The following GRK5 variants were observed in gnomAD, a reference collection of about 807,000 sequenced individuals.
The protein encoded by GRK5 is g protein-coupled receptor kinase GRK5.
GRK5 carries 40 observed loss-of-function variants against 78.4 expected under a neutral mutation model. The observed-to-expected ratio is 0.51, with a 90% CI of 0.40 to 0.66. The LOEUF (loss-of-function observed/expected upper bound fraction) is 0.66. Among genes scored for constraint, GRK5 ranks in the 30% least tolerant of loss-of-function variants. GRK5 has a pLI of 0.00. For missense variants in GRK5, 598 were observed against 759.9 expected, an observed-to-expected ratio of 0.79 and a Z score of 2.50; for synonymous variants, 289 against 296.8, an observed-to-expected ratio of 0.97 and a Z score of 0.27.
chr10:119,368,274 T>G (rs962857604), intron 2 of GRK5, among the ~76,000 whole-genome samples: 8 of 152,236 alleles, frequency 5.3e-5, no homozygotes, highest in Non-Finnish European at 1.0e-4. Context: ...AAGCCAGGGC[T>G]CCTTGGCGCC....
At chr10:119,433,598 C>T (rs1399031814) in intron 8 of GRK5, among the ~76,000 whole-genome samples, 4 of 152,350 alleles carry the variant, frequency 2.6e-5, no homozygotes, top group East Asian at 1.9e-4. Context: ...TGAGCTTGCT[C>T]ATCCTTGGCT....
At chr10:119,382,650 A>G (rs1357330157) in intron 3 of GRK5, among the ~76,000 whole-genome samples, 3 of 152,240 alleles carry the variant, frequency 2.0e-5, no homozygotes, top group African/African-American at 4.8e-5. Flanking sequence ...TTTAAAAAAT[A>G]GTACTATCAC....
intron 1 of GRK5, among the ~76,000 whole-genome samples, chr10:119,268,537 T>A (rs1404481831): frequency 6.6e-6 from 1 of 152,252 alleles, no homozygotes; most frequent in Non-Finnish European, 1.5e-5. Context: ...ATTTGAACCT[T>A]ACCTCCTTTG....
chr10:119,207,864 C>T lies in GRK5; in HGVS notation c.-54C>T, dbSNP rs2230347. Reference sequence around the variant, plus strand: ...AGCAGCGGCAGCAGCAGCGGCAGCACCCCAGGCGCTGACAGCCCCGCCGGC... The same window carrying T: ...AGCAGCGGCAGCAGCAGCGGCAGCATCCCAGGCGCTGACAGCCCCGCCGGC... On this transcript the variant is annotated 5_prime_UTR_variant, in exon 1 of 16. Transcript: ENST00000392870. 164,915 of 1,533,930 alleles carry T rather than the reference C, an allele frequency of 0.11. 9,275 individuals carry two copies. Among genetic ancestry groups the T allele is most frequent in the African/African-American group, 0.17 (11,935 of 70,736 alleles).
Position 119,412,867 on chromosome 10 carries a change from C to A in GRK5, c.340-10299C>A, listed in dbSNP as rs1852372342. Among the ~76,000 whole-genome samples the A allele has an allele frequency of 6.6e-6, 1 of 152,194 alleles. No individual in the cohort carries two copies. The highest frequency in any genetic ancestry group is 2.4e-5 in the African/African-American group (1 of 41,444). On this transcript the variant is annotated intron_variant, in intron 4 of 15. Coordinates refer to ENST00000392870, the MANE Select transcript of GRK5 (RefSeq NM_005308.3). This position sits in a 1 kb window ranked among gnomAD's most constrained non-coding sequence, Gnocchi z 4.3. ...CCCACCACCCTCTGCTTTCCCCACCCCAGACCCCGTCGCTGCAGCTGGGTG... is the reference window on the plus strand; with the variant it reads ...CCCACCACCCTCTGCTTTCCCCACCACAGACCCCGTCGCTGCAGCTGGGTG...
chr10:119,257,841 C>G (rs1195787945), intron 1 of GRK5, among the ~76,000 whole-genome samples: 4 of 152,180 alleles, frequency 2.6e-5, no homozygotes, highest in Non-Finnish European at 4.4e-5. Flanking sequence ...TATGGCTATG[C>G]CCTGGCTGTG....
At chr10:119,434,968 C>T (rs1852890827) in intron 8 of GRK5, among the ~76,000 whole-genome samples, 1 of 152,254 alleles carries the variant, frequency 6.6e-6, no homozygotes, top group African/African-American at 2.4e-5. Flanking sequence ...GACTTCTGTG[C>T]ACTCGCAGGC....
chr10:119,425,724 T>C (rs929219268), intron 6 of GRK5, among the ~76,000 whole-genome samples: 1 of 152,272 alleles, frequency 6.6e-6, no homozygotes, highest in African/African-American at 2.4e-5. Flanking sequence ...TCCTTGTTGC[T>C]TATTTTCTTG....
Position 119,307,120 on chromosome 10 carries a change from T to C in GRK5, c.53-19396T>C, listed in dbSNP as rs910576845. Among the ~76,000 whole-genome samples the C allele has an allele frequency of 3.9e-5, 6 of 152,092 alleles. 1 individual carries two copies. Among genetic ancestry groups the C allele is most frequent in the African/African-American group, 1.5e-4 (6 of 41,356 alleles). ...TCTTAACTATGCTAAATGCTTTACG[T>C]GCATCAGCTCATTGATGCCTATATC... On this transcript the variant is annotated intron_variant, in intron 1 of 15. Transcript: ENST00000392870.
intron 2 of GRK5, among the ~76,000 whole-genome samples, chr10:119,331,334 C>T (rs569752294): frequency 6.6e-5 from 10 of 152,224 alleles, no homozygotes; most frequent in Non-Finnish European, 1.5e-4. Context: ...GGAAGGCTGA[C>T]GTGAGCCGTG....
intron 2 of GRK5, among the ~76,000 whole-genome samples, chr10:119,373,119 G>C (rs1268947): frequency 0.17 from 26,304 of 152,262 alleles, 2,719 homozygotes; most frequent in East Asian, 0.42. Context: ...GACTCACGTG[G>C]AAAGTTGGGA....
chr10:119,285,408 G>A (rs1004402020), intron 1 of GRK5, among the ~76,000 whole-genome samples: 1 of 152,258 alleles, frequency 6.6e-6, no homozygotes, highest in Non-Finnish European at 1.5e-5. Flanking sequence ...TGGGGGCAGA[G>A]ATTGGAGGAA....
intron 2 of GRK5, among the ~76,000 whole-genome samples, chr10:119,362,920 C>A: frequency 6.6e-6 from 1 of 152,262 alleles, no homozygotes. Context: ...CCTATGCTCA[C>A]ACTCTTTCCT....
At chr10:119,387,866 T>TGGGAGAACACAATGAAC (rs1286957241) in intron 3 of GRK5, among the ~76,000 whole-genome samples, 4 of 152,128 alleles carry the variant, frequency 2.6e-5, no homozygotes, top group African/African-American at 9.7e-5. Flanking sequence ...TTCTAGCAGT[T>TGGGAGAACACAATGAAC]GGGAGAACAC....
chr10:119,261,656 G>C (rs1434753207), intron 1 of GRK5, among the ~76,000 whole-genome samples: 3 of 152,264 alleles, frequency 2.0e-5, no homozygotes, highest in African/African-American at 4.8e-5. Context: ...CGGCACCTCG[G>C]GAGGCCGAGG....
intron 4 of GRK5, among the ~76,000 whole-genome samples, chr10:119,400,005 T>C (rs1255713598): frequency 1.3e-5 from 2 of 152,234 alleles, no homozygotes; most frequent in Non-Finnish European, 2.9e-5. Context: ...CCTGCATGTA[T>C]TGAGGACACT....
intron 1 of GRK5, among the ~76,000 whole-genome samples, chr10:119,224,570 C>T (rs554756419): frequency 5.3e-5 from 8 of 152,088 alleles, no homozygotes; most frequent in South Asian, 2.1e-4. Flanking sequence ...CCACCATGCC[C>T]GGCTAACTTT....
chr10:119,418,128 C>G (rs1010179844), intron 4 of GRK5, among the ~76,000 whole-genome samples: 2 of 152,198 alleles, frequency 1.3e-5, no homozygotes, highest in Non-Finnish European at 2.9e-5. Flanking sequence ...CTCCCCTGGC[C>G]CAGTGCGGCC....
intron 2 of GRK5, among the ~76,000 whole-genome samples, chr10:119,358,094 G>A (rs1031879321): frequency 3.3e-5 from 5 of 152,192 alleles, no homozygotes; most frequent in Admixed American, 1.3e-4. Context: ...CTAAGGCCCC[G>A]GCTGGTTTCC....
Sources: gnomAD v4.1 joint callset for allele counts (sites outside exome capture counted in the v4.1 genomes callset) on GRCh38, gnomAD v4.1.1 for gene constraint, Gnocchi (gnomAD v3.1) non-coding constraint, MANE v1.5 for transcripts, NCBI Gene and HGNC (gene_info 2026-07-23, HGNC 2026-07-21) for gene names.